MID1: variants seen among roughly 807,000 people sequenced by gnomAD.
The protein encoded by MID1 is E3 ubiquitin-protein ligase Midline-1.
In MID1, 7 loss-of-function variants were observed where a neutral mutation model predicts 40.4. That is an observed-to-expected ratio of 0.17 (90% CI 0.10 to 0.33). The LOEUF (loss-of-function observed/expected upper bound fraction) is 0.33. MID1 is among the 10% of genes least tolerant of loss of function. The pLI is 1.00. For missense variants in MID1, 367 were observed against 558.5 expected (o/e 0.66, Z 3.46); for synonymous variants, 229 against 221.2 (o/e 1.04, Z -0.31).
chrX:10,503,243 G>A (rs751055192), intron 3 of MID1, among the ~76,000 whole-genome samples: 4 of 112,000 alleles, frequency 3.6e-5, no homozygotes, highest in Non-Finnish European at 7.5e-5. Context: ...AACAATGAAA[G>A]GGATTCTAAT....
intron 1 of MID1, among the ~76,000 whole-genome samples, chrX:10,785,480 T>C (rs763187686): frequency 6.6e-4 from 74 of 111,446 alleles, no homozygotes; most frequent in African/African-American, 2.3e-3. Flanking sequence ...AAAGTTCATA[T>C]GGAACCAAAA....
chrX:10,569,023 G>A (rs1288365921), intron 1 of MID1, among the ~76,000 whole-genome samples: 1 of 111,562 alleles, frequency 9.0e-6, no homozygotes, highest in Non-Finnish European at 1.9e-5. Flanking sequence ...TTATGGGAAG[G>A]CTTCACATCC....
intron 3 of MID1, among the ~76,000 whole-genome samples, chrX:10,520,895 T>C (rs1292198611): frequency 1.8e-5 from 2 of 111,306 alleles, no homozygotes; most frequent in African/African-American, 6.5e-5. Context: ...AGAAGATTAT[T>C]ACTATTCTTG....
chrX:10,505,277 C>G (rs1931772860), intron 3 of MID1: 32 of 660,518 alleles, frequency 4.8e-5, no homozygotes, highest in Non-Finnish European at 5.6e-5. Flanking sequence ...TAATGTTTTT[C>G]CTAGGCTACA....
At position 10,770,694 on chromosome X, in the gene MID1, T is replaced by C. The variant is rs538095576; in HGVS notation, c.-187+62860A>G. The stretch of plus-strand genomic sequence containing the variant: ...ATGTGCCTCATATTCGTGTTCCTTA[T>C]GAGGGAAATTAATCTGCACAGCTCC... On this transcript the variant is annotated intron_variant, in intron 1 of 10. Coordinates refer to the MID1 transcript ENST00000380785. 2.7e-5 allele frequency among the ~76,000 whole-genome samples: 3 copies of C among 112,436 alleles called. No individual in the cohort carries two copies. The South Asian group carries it at 1.1e-3, about 42-fold the overall frequency.
chrX:10,784,567 T>C (rs2043867983), intron 1 of MID1, among the ~76,000 whole-genome samples: 1 of 104,328 alleles, frequency 9.6e-6, no homozygotes, highest in African/African-American at 3.5e-5. Flanking sequence ...TGCCTCAGCC[T>C]CCCGAGTACC....
intron 1 of MID1, among the ~76,000 whole-genome samples, chrX:10,778,721 C>T (rs1316472406): frequency 8.9e-6 from 1 of 112,388 alleles, no homozygotes; most frequent in African/African-American, 3.2e-5. Context: ...AGGAAGGCAC[C>T]AAGAACCAAG....
chrX:10,590,036 T>C (rs1404512377), intron 1 of MID1: 1 of 110,915 alleles, frequency 9.0e-6, no homozygotes, highest in African/African-American at 3.3e-5. Context: ...TTGTGATCGA[T>C]TGAGCAAGCA....
intron 1 of MID1, among the ~76,000 whole-genome samples, chrX:10,670,321 A>C (rs1234846764): frequency 8.9e-6 from 1 of 112,169 alleles, no homozygotes; most frequent in East Asian, 2.8e-4. Context: ...TTGGTAAGAA[A>C]TTTATTACCT....
intron 1 of MID1, among the ~76,000 whole-genome samples, chrX:10,714,176 T>A (rs2043286251): frequency 8.9e-6 from 1 of 112,639 alleles, no homozygotes; most frequent in Middle Eastern, 4.6e-3. Flanking sequence ...TTCCTTTGCA[T>A]GTTCAAAAAA....
rs189023837 is a variant in MID1, at chrX:10,662,246, G to A, written c.-186-41827C>T. Among the ~76,000 whole-genome samples, 829 of 110,810 alleles carry A rather than the reference G, an allele frequency of 7.5e-3. 11 individuals are homozygous for A. The highest frequency in any genetic ancestry group is 0.063 in the East Asian group (221 of 3,535). ...TTGAACCGGGGAGGCGGAGGTTGTG[G>A]TGAGCCGAGATCACACCATTGCACT... On this transcript the variant is annotated intron_variant, in intron 1 of 10. Coordinates refer to the MID1 transcript ENST00000380785.
intron 1 of MID1, among the ~76,000 whole-genome samples, chrX:10,633,650 C>T (rs1443449874): frequency 9.0e-6 from 1 of 110,558 alleles, no homozygotes; most frequent in Non-Finnish European, 1.9e-5. Context: ...GGCAGGGTCT[C>T]CCTATGCTGC....
intron 1 of MID1, among the ~76,000 whole-genome samples, chrX:10,613,411 GAGA>G (rs1216202601): frequency 2.7e-5 from 3 of 109,279 alleles, no homozygotes; most frequent in Non-Finnish European, 5.7e-5. Context: ...CATCTACATG[GAGA>G]AGGCTTCAGT....
intron 1 of MID1, among the ~76,000 whole-genome samples, chrX:10,828,126 T>C (rs745632255): frequency 1.7e-4 from 19 of 112,195 alleles, no homozygotes; most frequent in Non-Finnish European, 3.2e-4. Flanking sequence ...TAATCGATCA[T>C]ATATGAGATT....
intron 1 of MID1, chrX:10,590,013 C>T (rs958920885): frequency 2.7e-5 from 3 of 110,636 alleles, no homozygotes; most frequent in Admixed American, 9.6e-5. Flanking sequence ...TAAGGGGGGT[C>T]CACGTAAGAG....
At chrX:10,772,624 TTAAA>T (rs1218667705) in intron 1 of MID1, among the ~76,000 whole-genome samples, 7 of 109,676 alleles carry the variant, frequency 6.4e-5, no homozygotes, top group Non-Finnish European at 1.3e-4. Flanking sequence ...TAAATTAAAC[TTAAA>T]TAAGTACAAG....
At chrX:10,745,165 G>A (rs915093491) in intron 1 of MID1, among the ~76,000 whole-genome samples, 1 of 112,516 alleles carries the variant, frequency 8.9e-6, no homozygotes, top group Non-Finnish European at 1.9e-5. Context: ...TTCTCACCTC[G>A]CAAAGATCTA....
intron 1 of MID1, among the ~76,000 whole-genome samples, chrX:10,632,821 AG>A (rs1256895323): frequency 5.4e-5 from 6 of 111,822 alleles, no homozygotes; most frequent in Non-Finnish European, 1.9e-5. Flanking sequence ...AATAGTTGAA[AG>A]AATCAAAAGA....
At chrX:10,818,924 C>G (rs1030084940) in intron 1 of MID1, among the ~76,000 whole-genome samples, 1 of 111,709 alleles carries the variant, frequency 9.0e-6, no homozygotes, top group Non-Finnish European at 1.9e-5. Flanking sequence ...CTGTGTAGCT[C>G]AAAAGTTTAT....
Sources: allele counts gnomAD v4.1 joint callset (sites outside exome capture counted in the v4.1 genomes callset), GRCh38; gene constraint gnomAD v4.1.1; transcripts MANE v1.5; gene names NCBI Gene and HGNC (gene_info 2026-07-23, HGNC 2026-07-21).